MAP4: variants seen among roughly 807,000 people sequenced by gnomAD.
MAP4 encodes the protein microtubule associated protein 4, also known as microtubule-associated protein 4.
Under a neutral mutation model 170.2 loss-of-function variants are expected in MAP4, and 76 were observed. That is an observed-to-expected ratio of 0.45 (90% CI 0.37 to 0.54). The LOEUF is 0.54. MAP4 is among the 20% of genes least tolerant of loss of function. The pLI is 0.00. For missense variants in MAP4, 2,506 were observed against 2,748.0 expected (o/e 0.91, Z 1.97); for synonymous variants, 909 against 994.5 (o/e 0.91, Z 1.62).
intron 1 of MAP4, among the ~76,000 whole-genome samples, chr3:48,084,369 GA>G (rs1435553380): frequency 1.5e-5 from 2 of 130,552 alleles, no homozygotes; most frequent in African/African-American, 5.8e-5. Flanking sequence ...ACTGCTGACA[GA>G]ACATGATCTC....
At chr3:47,864,899 T>TG (rs898458566) in intron 17 of MAP4, among the ~76,000 whole-genome samples, 7 of 152,044 alleles carry the variant, frequency 4.6e-5, no homozygotes, top group African/African-American at 9.7e-5. Context: ...GGTGCCCAGC[T>TG]GGGGGGCTCA....
intron 1 of MAP4, among the ~76,000 whole-genome samples, chr3:48,047,896 T>G (rs1034964910): frequency 3.3e-5 from 5 of 152,188 alleles, no homozygotes; most frequent in Admixed American, 6.6e-5. Flanking sequence ...AAAATGCTGG[T>G]TCTTTAAAAA....
At chr3:47,894,039 C>T (rs947141706) in intron 10 of MAP4, among the ~76,000 whole-genome samples, 5 of 151,778 alleles carry the variant, frequency 3.3e-5, no homozygotes, top group Admixed American at 1.3e-4. Context: ...CACAGGGCTA[C>T]ACTCATGATG....
chr3:48,046,938 C>T (rs941507848), intron 1 of MAP4, among the ~76,000 whole-genome samples: 16 of 151,288 alleles, frequency 1.1e-4, no homozygotes, highest in African/African-American at 3.6e-4. Flanking sequence ...ACTAAAAATA[C>T]AAAAAATGAG....
intron 1 of MAP4, among the ~76,000 whole-genome samples, chr3:48,078,993 A>C (rs527747067): frequency 1.3e-5 from 2 of 152,060 alleles, no homozygotes; most frequent in Admixed American, 1.3e-4. Flanking sequence ...CAACATGGTG[A>C]AACGCTGTCT....
intron 3 of MAP4, among the ~76,000 whole-genome samples, chr3:47,932,534 C>G (rs1294429212): frequency 6.6e-6 from 1 of 152,086 alleles, no homozygotes; most frequent in African/African-American, 2.4e-5. Flanking sequence ...ATTTTACAAT[C>G]CCAATAACAA....
intron 1 of MAP4, among the ~76,000 whole-genome samples, chr3:48,060,155 T>C (rs2100134424): frequency 6.6e-6 from 1 of 152,154 alleles, no homozygotes; most frequent in Non-Finnish European, 1.5e-5. Context: ...TAATCTCAAT[T>C]AGTAAAAACT....
chr3:47,855,455 C>A lies in MAP4; in HGVS notation c.6584-95G>T. ...CGATATGCCCAATCTAGAAATGAGA[C>A]AGACGTGACCTGTTCTGGGTGGCAA... On this transcript the variant is annotated intron_variant, in intron 18 of 20. Transcript: ENST00000683076. This position sits in a 1 kb window ranked among gnomAD's most constrained non-coding sequence, Gnocchi z 5.1. The A allele has an allele frequency of 1.3e-6, 1 of 777,798 alleles. No homozygotes were observed. The highest frequency in any genetic ancestry group is 2.3e-6 in the Non-Finnish European group (1 of 430,964). The allele number at this position is 777,798 out of a possible 1,614,324, so 48.2% of individuals were successfully genotyped here.
At position 47,877,492 on chromosome 3, in the gene MAP4, C is replaced by T. The variant is rs35521469; in HGVS notation, c.5466G>A (p.Val1822=). 9.3e-6 allele frequency: 15 copies of T among 1,613,866 alleles called. No individual in the cohort carries two copies. The Admixed American group carries it at 1.2e-4, about 13-fold the overall frequency. Residue 1822 remains valine (V), a synonymous_variant, in exon 11 of 21, where the codon GTG becomes GTA. Transcript: ENST00000683076. ...TGATGTCATTTCCTGTCCCACTCAC[C>T]ACAGGCCTTCCTTCTTCTGGCCTGG... is the stretch of plus-strand genomic sequence containing the variant. ...GIARPEEGRP[V]VSGTGNDITT... is the part of the protein sequence containing the mutation.
intron 3 of MAP4, among the ~76,000 whole-genome samples, chr3:47,958,202 C>A (rs543095930): frequency 2.0e-4 from 30 of 152,258 alleles, no homozygotes; most frequent in African/African-American, 6.3e-4. Context: ...ATCTAAGGCA[C>A]CTCTTAATAC....
chr3:47,885,176 T>C (rs902811188), intron 10 of MAP4, among the ~76,000 whole-genome samples: 1 of 152,166 alleles, frequency 6.6e-6, no homozygotes, highest in African/African-American at 2.4e-5. Flanking sequence ...TCTATGCCTG[T>C]TGGTAATTCC....
At position 47,909,724 on chromosome 3, in the gene MAP4, T is replaced by C; in HGVS notation, c.4697A>G (p.Lys1566Arg). The change falls in exon 9 of 21, where the codon AAA (lysine) becomes AGA (arginine). Residue 1566 changes from lysine (K) to arginine (R), a missense_variant. Around this residue, in one of 3 missense-constraint regions of MAP4, gnomAD observed 2,008 missense variants for 2,206.0 expected, o/e 0.91. Transcript: ENST00000683076. ...HSGASKHSVE[K>R]VTELAKGHLL... ...GTGACCTTTTGCTAGCTCTGTGACT[T>C]TCTCTACTGAATGCTTAGACGCACC... is the stretch of plus-strand genomic sequence containing the variant. The C allele has an allele frequency of 6.2e-7, 1 of 1,613,992 alleles. No homozygotes were observed. The highest frequency in any genetic ancestry group is 8.5e-7 in the Non-Finnish European group (1 of 1,179,894).
At chr3:48,038,066 G>A (rs1361667442) in intron 1 of MAP4, among the ~76,000 whole-genome samples, 2 of 151,674 alleles carry the variant, frequency 1.3e-5, no homozygotes, top group Non-Finnish European at 2.9e-5. Flanking sequence ...TACTCAGGAG[G>A]CTGAGGCAAG....
At chr3:47,893,042 A>C (rs1399777351) in intron 10 of MAP4, among the ~76,000 whole-genome samples, 3 of 151,956 alleles carry the variant, frequency 2.0e-5, no homozygotes, top group African/African-American at 4.8e-5. Context: ...AAAAAAAAAA[A>C]AACCACACCT....
intron 3 of MAP4, chr3:47,973,023 T>G: frequency 1.0e-6 from 1 of 985,220 alleles, no homozygotes; most frequent in South Asian, 4.7e-5. Flanking sequence ...TTTACCCAAC[T>G]TGTGTTTTAG....
At chr3:48,028,704 G>A (rs1368265590) in intron 1 of MAP4, among the ~76,000 whole-genome samples, 1 of 151,868 alleles carries the variant, frequency 6.6e-6, no homozygotes. Flanking sequence ...CCCAGGAGGC[G>A]GAGGTGGCAG....
At chr3:47,933,526 C>G (rs974110856) in intron 3 of MAP4, among the ~76,000 whole-genome samples, 1 of 151,984 alleles carries the variant, frequency 6.6e-6, no homozygotes, top group African/African-American at 2.4e-5. Context: ...CAGCCTCGAC[C>G]TCCCTGACTC....
chr3:47,864,341 G>A (rs1363775457), intron 17 of MAP4, among the ~76,000 whole-genome samples: 1 of 152,070 alleles, frequency 6.6e-6, no homozygotes, highest in Non-Finnish European at 1.5e-5. Flanking sequence ...AGGAGTTCGA[G>A]ACCAGCCTGC....
chr3:48,010,775 C>G (rs576593096), intron 1 of MAP4, among the ~76,000 whole-genome samples: 1 of 152,218 alleles, frequency 6.6e-6, no homozygotes, highest in South Asian at 2.1e-4. Context: ...AATCAGCCAC[C>G]AGCGAATATA....
Sources: allele counts gnomAD v4.1 joint callset (sites outside exome capture counted in the v4.1 genomes callset), GRCh38; gene constraint gnomAD v4.1.1; regional missense constraint gnomAD v4.1.1; non-coding constraint Gnocchi (gnomAD v3.1); transcripts MANE v1.5; gene names NCBI Gene and HGNC (gene_info 2026-07-23, HGNC 2026-07-21).